Variants in GALNT11 observed in about 807,000 individuals in gnomAD.
GALNT11 encodes UDP-GalNAc:polypeptide N-acetylgalactosaminyltransferase 11.
Under a neutral mutation model 72.7 loss-of-function variants are expected in GALNT11, and 47 were observed. The observed-to-expected ratio is 0.65, with a 90% confidence interval of 0.51 to 0.82. The LOEUF (loss-of-function observed/expected upper bound fraction) is 0.82, where lower values mean the gene tolerates loss of function less well. GALNT11 is among the 40% of genes least tolerant of loss of function. GALNT11 has a pLI of 0.00. For synonymous variants in GALNT11, 270 were observed against 286.6 expected, an observed-to-expected ratio of 0.94 and a Z score of 0.58; for missense variants, 677 against 778.4, an observed-to-expected ratio of 0.87 and a Z score of 1.55.
intron 7 of GALNT11, among the ~76,000 whole-genome samples, chr7:152,112,545 A>G (rs970114197): frequency 6.6e-6 from 1 of 152,088 alleles, no homozygotes; most frequent in African/African-American, 2.4e-5. Context: ...CTCAACAAAA[A>G]AAAAAAAAGA....
intron 1 of GALNT11, among the ~76,000 whole-genome samples, chr7:152,092,452 A>G (rs1020550143): frequency 5.9e-5 from 9 of 152,052 alleles, no homozygotes; most frequent in Non-Finnish European, 1.3e-4. Context: ...TTTCCTTTGT[A>G]CTATTGTCAT....
chr7:152,069,769 C>T (rs2084518404), intron 1 of GALNT11, among the ~76,000 whole-genome samples: 1 of 152,112 alleles, frequency 6.6e-6, no homozygotes, highest in Admixed American at 6.5e-5. Flanking sequence ...TTCTCCATCC[C>T]TTTACTGTTA....
At chr7:152,085,804 C>T (rs2129028003) in intron 1 of GALNT11, among the ~76,000 whole-genome samples, 1 of 152,214 alleles carries the variant, frequency 6.6e-6, no homozygotes, top group African/African-American at 2.4e-5. Flanking sequence ...ACCTCTGCCT[C>T]CTGGGTTCAA....
chr7:152,106,300 C>A (rs1049580626), intron 5 of GALNT11, among the ~76,000 whole-genome samples: 1 of 152,228 alleles, frequency 6.6e-6, no homozygotes, highest in African/African-American at 2.4e-5. Flanking sequence ...TCCTAGATAA[C>A]CTGCCTCTGG....
In GALNT11 at chr7:152,025,781, T is replaced by C; in HGVS notation, c.-142T>C. On this transcript the variant is annotated 5_prime_UTR_variant, in exon 1 of 12. Transcript: ENST00000430044. ...GCCTGGCTGCTGGGCCCCGGGGCAG[T>C]TCAGCCCGCGCCGCTCCTGCGGGTC... 1 of 186,460 alleles carries C rather than the reference T, an allele frequency of 5.4e-6. No individual in the cohort carries two copies. Among genetic ancestry groups the C allele is most frequent in the Non-Finnish European group, 1.2e-5 (1 of 84,388 alleles). The allele number at this position is 186,460 out of a possible 1,614,324, so 11.6% of individuals were successfully genotyped here. A position where few individuals can be genotyped will look rare whatever the true frequency, so the allele number is the denominator to read the frequency against.
At chr7:152,068,495 G>A (rs758791336) in intron 1 of GALNT11, among the ~76,000 whole-genome samples, 2 of 152,166 alleles carry the variant, frequency 1.3e-5, no homozygotes, top group African/African-American at 2.4e-5. Context: ...AGGTTTTTGT[G>A]TTGGTGAGTT....
intron 2 of GALNT11, 53 bp from the exon 3 acceptor site, chr7:152,100,745 G>C: frequency 2.5e-6 from 4 of 1,596,182 alleles, no homozygotes; most frequent in Non-Finnish European, 3.4e-6. Flanking sequence ...ATCGTTAACA[G>C]TAACATGATA....
intron 1 of GALNT11, among the ~76,000 whole-genome samples, chr7:152,062,243 T>C (rs959028945): frequency 6.6e-6 from 1 of 152,178 alleles, no homozygotes; most frequent in African/African-American, 2.4e-5. Context: ...CAATTGTGAA[T>C]GGGAGTTCAC....
rs2083585358 is a variant in GALNT11 at position 152,054,927 on chromosome 7, A to C, written c.-39+29043A>C. Among the ~76,000 whole-genome samples the C allele has an allele frequency of 5.9e-5, 9 of 152,362 alleles. No homozygotes were observed. The South Asian group carries it at 1.9e-3, about 32-fold the overall frequency. On this transcript the variant is annotated intron_variant, in intron 1 of 11. Coordinates refer to ENST00000430044, the MANE Select transcript of GALNT11 (RefSeq NM_022087.4). Reference sequence around the variant, plus strand: ...CCATAGGATGTGTGTATACACACACACAAATGCACACGCACAGATTTATTT... The same window carrying C: ...CCATAGGATGTGTGTATACACACACCCAAATGCACACGCACAGATTTATTT...
chr7:152,088,900 C>G (rs2085824337), intron 1 of GALNT11, among the ~76,000 whole-genome samples: 1 of 152,132 alleles, frequency 6.6e-6, no homozygotes, highest in Admixed American at 6.6e-5. Flanking sequence ...GCCTCTTTCT[C>G]ATTGTCGTCT....
At chr7:152,040,379 A>C (rs1323580223) in intron 1 of GALNT11, among the ~76,000 whole-genome samples, 1 of 152,226 alleles carries the variant, frequency 6.6e-6, no homozygotes, top group Non-Finnish European at 1.5e-5. Flanking sequence ...AAGATGAGGA[A>C]CGCACCACTT....
rs192453004 is a variant in GALNT11, at chr7:152,063,334, G to T, written c.-38-30856G>T. Among the ~76,000 whole-genome samples, 875 of 152,036 alleles carry T rather than the reference G, an allele frequency of 5.8e-3. 7 individuals are homozygous for T. Among genetic ancestry groups the T allele is most frequent in the Non-Finnish European group, 0.01 (698 of 67,956 alleles). On this transcript the variant is annotated intron_variant, in intron 1 of 11. Coordinates refer to ENST00000430044, the MANE Select transcript of GALNT11 (RefSeq NM_022087.4). ...TATCCCCTTTATCATTTTTTATTGC[G>T]TCTATTTGATTCTTCTCTTTTTTCT... is the stretch of plus-strand genomic sequence containing the variant.
At chr7:152,086,931 C>T (rs1252076344) in intron 1 of GALNT11, among the ~76,000 whole-genome samples, 1 of 152,126 alleles carries the variant, frequency 6.6e-6, no homozygotes, top group Non-Finnish European at 1.5e-5. Flanking sequence ...TGGTCATGAC[C>T]TCTATGCATA....
rs540220243 is a variant in GALNT11 at position 152,095,410 on chromosome 7, T to C, written c.295+888T>C. On this transcript the variant is annotated intron_variant, in intron 2 of 11. Transcript: ENST00000430044. ...TAAAATACAAGAGATTTTTGAGAGA[T>C]TGAGAGAGCCTTAGAATGTGAAAGA... 6.6e-5 allele frequency among the ~76,000 whole-genome samples: 10 copies of C among 152,196 alleles called. No individual in the cohort carries two copies. The East Asian group carries it at 1.9e-3, about 29-fold the overall frequency.
chr7:152,065,484 G>A (rs569691364), intron 1 of GALNT11, among the ~76,000 whole-genome samples: 1 of 152,328 alleles, frequency 6.6e-6, no homozygotes, highest in East Asian at 1.9e-4. Context: ...TATTGCTGGT[G>A]AGGAACTGCA....
intron 1 of GALNT11, among the ~76,000 whole-genome samples, chr7:152,089,543 C>T (rs552163513): frequency 2.0e-5 from 3 of 152,280 alleles, no homozygotes; most frequent in East Asian, 1.9e-4. Flanking sequence ...AACTAAAACC[C>T]GATTGGCTAA....
chr7:152,031,364 C>G (rs902942416), intron 1 of GALNT11, among the ~76,000 whole-genome samples: 2 of 152,188 alleles, frequency 1.3e-5, no homozygotes, highest in Non-Finnish European at 2.9e-5. Context: ...GTTCCCCATC[C>G]TCTGGGAGAA....
At chr7:152,111,644 A>ATATATATATT (rs201303779) in intron 7 of GALNT11, among the ~76,000 whole-genome samples, 4 of 139,210 alleles carry the variant, frequency 2.9e-5, no homozygotes, top group African/African-American at 1.1e-4. Context: ...ATATATATAT[A>ATATATATATT]TTTTTTTAAA....
At chr7:152,068,225 C>A (rs2084427538) in intron 1 of GALNT11, among the ~76,000 whole-genome samples, 1 of 152,194 alleles carries the variant, frequency 6.6e-6, no homozygotes, top group South Asian at 2.1e-4. Flanking sequence ...TCTTTATCAT[C>A]TCTATAGTTT....
Sources: allele counts gnomAD v4.1 joint callset (sites outside exome capture counted in the v4.1 genomes callset), GRCh38; gene constraint gnomAD v4.1.1; transcripts MANE v1.5; gene names NCBI Gene and HGNC (gene_info 2026-07-23, HGNC 2026-07-21).